FLACC1: variants seen among roughly 807,000 people sequenced by gnomAD.
FLACC1 encodes flagellum-associated coiled-coil domain-containing protein 1.
FLACC1 carries 66 observed loss-of-function variants against 62.8 expected under a neutral mutation model. The observed-to-expected ratio is 1.05, with a 90% confidence interval of 0.86 to 1.29. FLACC1 has a LOEUF of 1.29. Among genes scored for constraint, FLACC1 ranks in the 50% most tolerant of loss-of-function variants. The pLI is 0.00. For missense variants in FLACC1, 452 were observed against 489.1 expected (o/e 0.92, Z 0.71); for synonymous variants, 156 against 161.0 (o/e 0.97, Z 0.24).
chr2:201,294,427 A>T (rs1949811243), intron 12 of FLACC1, among the ~76,000 whole-genome samples: 1 of 152,254 alleles, frequency 6.6e-6, no homozygotes, highest in Admixed American at 6.5e-5. Context: ...AAACCACATG[A>T]TTATCTCAAT....
chr2:201,348,443 A>G, intron 3 of FLACC1, 141 bp from the exon 4 acceptor site: 1 of 813,622 alleles, frequency 1.2e-6, no homozygotes, highest in Non-Finnish European at 1.9e-6. Flanking sequence ...ATAGTTGGGG[A>G]ACTCACTGAA....
At chr2:201,336,346 T>C (rs1270976052) in intron 7 of FLACC1, among the ~76,000 whole-genome samples, 2 of 152,248 alleles carry the variant, frequency 1.3e-5, no homozygotes, top group African/African-American at 4.8e-5. Flanking sequence ...ATTTTGTTCT[T>C]TTTTATGGCT....
chr2:201,300,602 T>C (rs893826038), intron 11 of FLACC1, among the ~76,000 whole-genome samples: 2 of 151,988 alleles, frequency 1.3e-5, no homozygotes, highest in South Asian at 4.2e-4. Context: ...GAGTCTGAGA[T>C]CTGAGAATGG....
chr2:201,343,359 T>A (rs937907877), intron 6 of FLACC1, among the ~76,000 whole-genome samples: 2 of 152,212 alleles, frequency 1.3e-5, no homozygotes, highest in Non-Finnish European at 2.9e-5. Context: ...TGAGTCTCAT[T>A]TTCCTTTCTA....
chr2:201,310,479 C>T (rs766873220), intron 9 of FLACC1, among the ~76,000 whole-genome samples: 4 of 152,252 alleles, frequency 2.6e-5, no homozygotes, highest in African/African-American at 4.8e-5. Context: ...CACTATACTT[C>T]ACAATTAAAC....
At chr2:201,360,457 C>T (rs1951176623), upstream of FLACC1, among the ~76,000 whole-genome samples, 2 of 152,144 alleles carry the variant, frequency 1.3e-5, no homozygotes, top group Non-Finnish European at 2.9e-5. Context: ...CGGAGGCTTT[C>T]CATCTGTGGA....
chr2:201,329,235 C>T (rs1950547786), intron 9 of FLACC1, among the ~76,000 whole-genome samples: 1 of 151,830 alleles, frequency 6.6e-6, no homozygotes, highest in African/African-American at 2.4e-5. Context: ...AATCAAAAAC[C>T]ATAATGAGAT....
rs1009569948 is a variant in FLACC1 at position 201,346,899 on chromosome 2, G to C, written c.235-224C>G. The stretch of plus-strand genomic sequence containing the variant: ...TGTCCCTAGGGGCCTCTCAAGCTCT[G>C]CGCCAAACCAAGCCACTGATGCCCC... On this transcript the variant is annotated intron_variant, in intron 4 of 14. Coordinates refer to ENST00000392257, the MANE Select transcript of FLACC1 (RefSeq NM_001127391.3). The surrounding 1 kb of genome is among the most constrained non-coding windows in gnomAD (Gnocchi z 4.0). 6.6e-6 allele frequency among the ~76,000 whole-genome samples: 1 copy of C among 152,118 alleles called. No homozygotes were observed. Among genetic ancestry groups the C allele is most frequent in the African/African-American group, 2.4e-5 (1 of 41,432 alleles).
rs1247867951 is a variant in FLACC1 at position 201,357,331 on chromosome 2, C to T, written c.-397G>A. ...CACCCCACCATTCAGATTCCTGTGA[C>T]TTGGGCCTGAGTTGTGAGGTTTGCC... On this transcript the variant is annotated 5_prime_UTR_variant, in exon 1 of 15. Transcript: ENST00000392257. 1 of 152,242 alleles carries T rather than the reference C, an allele frequency of 6.6e-6. No homozygotes were observed. 9.4% of individuals were successfully genotyped at this position (152,242 alleles called of 1,614,324 possible).
chr2:201,343,727 G>C (rs1042190869), intron 6 of FLACC1, among the ~76,000 whole-genome samples: 3 of 152,252 alleles, frequency 2.0e-5, no homozygotes, highest in Admixed American at 6.5e-5. Flanking sequence ...GAATCACAAA[G>C]AGTGTCAAAT....
intron 9 of FLACC1, among the ~76,000 whole-genome samples, chr2:201,321,641 G>A (rs1950405416): frequency 6.6e-6 from 1 of 152,164 alleles, no homozygotes; most frequent in Non-Finnish European, 1.5e-5. Context: ...TTGTATGAGA[G>A]ACGTTCACAA....
chr2:201,294,272 A>G (rs946924967), intron 12 of FLACC1, among the ~76,000 whole-genome samples: 3 of 152,234 alleles, frequency 2.0e-5, no homozygotes, highest in African/African-American at 7.2e-5. Flanking sequence ...AAAATCCTCA[A>G]TAAAATACTG....
intron 7 of FLACC1, among the ~76,000 whole-genome samples, chr2:201,333,848 A>G (rs1402548595): frequency 6.6e-6 from 1 of 152,156 alleles, no homozygotes; most frequent in Non-Finnish European, 1.5e-5. Flanking sequence ...TATTGTGAAT[A>G]GTGCCACAAT....
chr2:201,325,086 A>T (rs770014169), intron 9 of FLACC1, among the ~76,000 whole-genome samples: 1 of 152,214 alleles, frequency 6.6e-6, no homozygotes, highest in African/African-American at 2.4e-5. Context: ...GTGAGCCAAG[A>T]TAGTGCCACC....
chr2:201,361,446 C>A (rs539341052), upstream of FLACC1, among the ~76,000 whole-genome samples: 3 of 152,250 alleles, frequency 2.0e-5, no homozygotes, highest in East Asian at 5.8e-4. Flanking sequence ...TGCTGAGCAC[C>A]CATTTTTTGC....
chr2:201,289,499 T>G lies in FLACC1; in HGVS notation c.1100A>C (p.Lys367Thr), dbSNP rs917880051. The G allele has an allele frequency of 6.2e-7, 1 of 1,614,256 alleles. No homozygotes were observed. Among genetic ancestry groups the G allele is most frequent in the Non-Finnish European group, 8.5e-7 (1 of 1,180,040 alleles). Reference sequence around the variant, plus strand: ...TTCCGTCAGGATCTGTATGGTGTGCTTATACTTTTCTTCAGTTTCAGCAAA... The same window carrying G: ...TTCCGTCAGGATCTGTATGGTGTGCGTATACTTTTCTTCAGTTTCAGCAAA... Reference protein sequence around the residue: ...TKFAETEEKYKHTIQILTEEN... With the variant: ...TKFAETEEKYTHTIQILTEEN... The change falls in exon 14 of 15, where the codon AAG becomes ACG. Residue 367 changes from lysine to threonine, a missense_variant. By Grantham distance (78) the Lys-to-Thr change is moderately conservative. This residue lies in a region of FLACC1 where 301 missense variants were observed against 318.4 expected (regional missense o/e 0.95). Transcript: ENST00000392257.
At chr2:201,340,283 T>C (rs1950780498) in intron 7 of FLACC1, among the ~76,000 whole-genome samples, 1 of 152,204 alleles carries the variant, frequency 6.6e-6, no homozygotes, top group African/African-American at 2.4e-5. Flanking sequence ...TTTGTTAATT[T>C]TTGTTTTGTT....
At chr2:201,304,998 A>T (rs973149524) in intron 11 of FLACC1, among the ~76,000 whole-genome samples, 2 of 152,374 alleles carry the variant, frequency 1.3e-5, no homozygotes, top group African/African-American at 4.8e-5. Flanking sequence ...AAACCTAGGC[A>T]ATACCATTCA....
chr2:201,302,125 A>G (rs987902651), intron 11 of FLACC1, among the ~76,000 whole-genome samples: 1 of 152,258 alleles, frequency 6.6e-6, no homozygotes, highest in Non-Finnish European at 1.5e-5. Flanking sequence ...CTCCAATTAA[A>G]AGACACAGAC....
Sources: allele counts gnomAD v4.1 joint callset (sites outside exome capture counted in the v4.1 genomes callset), GRCh38; gene constraint gnomAD v4.1.1; regional missense constraint gnomAD v4.1.1; non-coding constraint Gnocchi (gnomAD v3.1); transcripts MANE v1.5; gene names NCBI Gene and HGNC (gene_info 2026-07-23, HGNC 2026-07-21).